Variants in TMEM143 observed in about 807,000 individuals in gnomAD.
TMEM143 encodes the protein transmembrane protein 143.
A neutral mutation model predicts 40.3 loss-of-function variants in TMEM143; 45 were observed. The observed-to-expected ratio is 1.12, with a 90% CI of 0.88 to 1.43. The LOEUF (loss-of-function observed/expected upper bound fraction) is 1.43, where lower values mean the gene tolerates loss of function less well. Among genes scored for constraint, TMEM143 ranks in the 40% most tolerant of loss-of-function variants. The pLI, the probability that TMEM143 is intolerant of heterozygous loss-of-function variation, is 0.00. For synonymous variants in TMEM143, 299 were observed against 282.7 expected, an observed-to-expected ratio of 1.06 and a Z score of -0.58; for missense variants, 620 against 613.4, an observed-to-expected ratio of 1.01 and a Z score of -0.11.
At chr19:48,358,896 C>T (rs1196247330) in intron 3 of TMEM143, among the ~76,000 whole-genome samples, 1 of 152,184 alleles carries the variant, frequency 6.6e-6, no homozygotes, top group Non-Finnish European at 1.5e-5. Context: ...CGGCCTGGCA[C>T]AGTGGCTCAC....
At chr19:48,335,048 A>C (rs1457464206) in intron 6 of TMEM143, among the ~76,000 whole-genome samples, 1 of 152,198 alleles carries the variant, frequency 6.6e-6, no homozygotes, top group Non-Finnish European at 1.5e-5. Flanking sequence ...TTAGCTTTGA[A>C]AGATTTTGTT....
At chr19:48,354,082 C>T (rs908418210) in intron 3 of TMEM143, among the ~76,000 whole-genome samples, 4 of 151,344 alleles carry the variant, frequency 2.6e-5, no homozygotes, top group African/African-American at 7.3e-5. Flanking sequence ...CCTCAGCCTC[C>T]GGAGTAGCTG....
intron 3 of TMEM143, among the ~76,000 whole-genome samples, chr19:48,352,471 TTA>T (rs2147378026): frequency 3.2e-5 from 2 of 63,444 alleles, no homozygotes; most frequent in South Asian, 1.3e-3. Flanking sequence ...GCACAGTTAA[TTA>T]AAAAAAAAAA....
At chr19:48,361,535 C>CT (rs59788731) in intron 2 of TMEM143, among the ~76,000 whole-genome samples, 94,309 of 138,376 alleles carry the variant, frequency 0.68, 32,190 homozygotes, top group East Asian at 0.81. Flanking sequence ...ACTTCTTCTT[C>CT]TTTTTTTTTT....
At chr19:48,339,446 G>A (rs541474603) in intron 6 of TMEM143, among the ~76,000 whole-genome samples, 1 of 152,276 alleles carries the variant, frequency 6.6e-6, no homozygotes, top group South Asian at 2.1e-4. Context: ...TCCGCATCCC[G>A]CACCTTGCTC....
At chr19:48,348,941 C>G (rs898256476) in intron 3 of TMEM143, among the ~76,000 whole-genome samples, 1 of 151,864 alleles carries the variant, frequency 6.6e-6, no homozygotes, top group Non-Finnish European at 1.5e-5. Flanking sequence ...TTTGGGAGGC[C>G]GAGAGAAGAG....
chr19:48,341,876 C>A (rs923046681), intron 6 of TMEM143, among the ~76,000 whole-genome samples: 5 of 151,966 alleles, frequency 3.3e-5, no homozygotes, highest in Non-Finnish European at 7.4e-5. Flanking sequence ...TACCACGAGC[C>A]GAGCACTGCC....
chr19:48,333,901 A>AC lies in TMEM143; in HGVS notation c.1165+106dup. 13 of 1,264,938 alleles carry AC rather than the reference A, an allele frequency of 1.0e-5. No homozygotes were observed. The highest frequency in any genetic ancestry group is 1.4e-5 in the Non-Finnish European group (13 of 947,132). 78.4% of individuals were successfully genotyped at this position (1,264,938 alleles called of 1,614,324 possible). A position where few individuals can be genotyped will look rare whatever the true frequency, so the allele number is the denominator to read the frequency against. On this transcript the variant is annotated intron_variant, in intron 7 of 7. Transcript: ENST00000293261. The surrounding 1 kb of genome is among the most constrained non-coding windows in gnomAD (Gnocchi z 4.1). Reference sequence around the variant, plus strand: ...GCTGAGGGCCGGGGTCTCTTCGCAAACCCGTCAGGTTCACCCGTGGGAACT... The same window carrying AC: ...GCTGAGGGCCGGGGTCTCTTCGCAAACCCCGTCAGGTTCACCCGTGGGAACT...
At chr19:48,361,500 G>C (rs1970039350) in intron 2 of TMEM143, among the ~76,000 whole-genome samples, 2 of 150,698 alleles carry the variant, frequency 1.3e-5, no homozygotes, top group Admixed American at 1.3e-4. Flanking sequence ...TTACTGGCGT[G>C]AGCCACCATG....
chr19:48,341,796 C>A (rs1408379924), intron 6 of TMEM143, among the ~76,000 whole-genome samples: 1 of 152,064 alleles, frequency 6.6e-6, no homozygotes, highest in Non-Finnish European at 1.5e-5. Flanking sequence ...AACACACCCC[C>A]TTCACCGCAT....
chr19:48,363,932 C>T lies in TMEM143; in HGVS notation c.-12G>A. On this transcript the variant is annotated 5_prime_UTR_variant, in exon 1 of 8. Coordinates refer to ENST00000293261, the MANE Select transcript of TMEM143 (RefSeq NM_018273.4). ...AGCTCGACTGTCATTGAGCCTCCTG[C>T]GCATGTGCAGGAGGGCGTCCTGGGC... 6.2e-7 allele frequency: 1 copy of T among 1,613,064 alleles called. No individual in the cohort carries two copies. Among genetic ancestry groups the T allele is most frequent in the Non-Finnish European group, 8.5e-7 (1 of 1,179,520 alleles).
At chr19:48,358,400 A>G in intron 3 of TMEM143, among the ~76,000 whole-genome samples, 1 of 146,584 alleles carries the variant, frequency 6.8e-6, no homozygotes. Context: ...AAAAAAAAAT[A>G]TATTAGAATA....
intron 6 of TMEM143, among the ~76,000 whole-genome samples, 197 bp downstream of exon 6, chr19:48,342,333 A>G (rs1969512039): frequency 7.8e-6 from 1 of 128,190 alleles, no homozygotes; most frequent in East Asian, 2.5e-4. Context: ...GAAAGAAAAG[A>G]GGAAGAATGG....
rs186226924 is a variant in TMEM143, at chr19:48,342,671, G to A, written c.834C>T (p.Arg278=). ...CTACCAGCATGAGGTTGAGCAGGGCGCGCTGCAGGGTGGGCGTGCGCACCT... is the reference window on the plus strand; with the variant it reads ...CTACCAGCATGAGGTTGAGCAGGGCACGCTGCAGGGTGGGCGTGCGCACCT... The part of the protein sequence containing the change: ...ELKVRTPTLQ[R]ALLNLMLVVS... The change falls in exon 6 of 8, where the codon CGC becomes CGT. Residue 278 remains arginine, a synonymous_variant. Coordinates refer to ENST00000293261, the MANE Select transcript of TMEM143 (RefSeq NM_018273.4). 2.3e-5 allele frequency: 37 copies of A among 1,614,130 alleles called. No homozygotes were observed. The East Asian group carries it at 4.7e-4, about 20-fold the overall frequency.
intron 6 of TMEM143, among the ~76,000 whole-genome samples, chr19:48,334,489 T>C (rs2147352846): frequency 6.9e-6 from 1 of 145,666 alleles, no homozygotes; most frequent in South Asian, 2.2e-4. Context: ...TTTTTCTTTC[T>C]TTCTTTCGTT....
At chr19:48,352,246 C>CAAAAAAAAAAAAAAAAA (rs1231759805) in intron 3 of TMEM143, among the ~76,000 whole-genome samples, 5 of 41,566 alleles carry the variant, frequency 1.2e-4, no homozygotes, top group African/African-American at 2.0e-4. Context: ...GACTCTGTCT[C>CAAAAAAAAAAAAAAAAA]AAAAAAAAAA....
chr19:48,358,485 T>C (rs924838326), intron 3 of TMEM143, among the ~76,000 whole-genome samples: 37 of 152,090 alleles, frequency 2.4e-4, no homozygotes, highest in African/African-American at 7.5e-4. Context: ...TGCAGATCTT[T>C]CTCCCCATCC....
At position 48,334,162 on chromosome 19, in the gene TMEM143, C is replaced by T. The variant is rs767801908; in HGVS notation, c.1011G>A (p.Glu337=). ...TGCGATAGTACAGCATGTGCGCCAG[C>T]TCCAACGCCTGCGCGCTGCGCCGCT... is the stretch of plus-strand genomic sequence containing the variant. ...FGQRRSAQAL[E]LAHMLYYRST... Residue 337 remains glutamate (E), a synonymous_variant, in exon 7 of 8, where the codon GAG becomes GAA. Transcript: ENST00000293261. 8 of 1,607,562 alleles carry T rather than the reference C, an allele frequency of 5.0e-6. No homozygotes were observed. The East Asian group carries it at 1.6e-4, about 31-fold the overall frequency.
intron 6 of TMEM143, among the ~76,000 whole-genome samples, chr19:48,339,682 C>T (rs1410299436): frequency 2.0e-5 from 3 of 152,020 alleles, no homozygotes; most frequent in Non-Finnish European, 4.4e-5. Flanking sequence ...CAGGAGGGGA[C>T]CAGCCAGGAG....
Sources: allele counts gnomAD v4.1 joint callset (sites outside exome capture counted in the v4.1 genomes callset), GRCh38; gene constraint gnomAD v4.1.1; non-coding constraint Gnocchi (gnomAD v3.1); transcripts MANE v1.5; gene names NCBI Gene and HGNC (gene_info 2026-07-23, HGNC 2026-07-21).